GLRX3: variants seen among roughly 807,000 people sequenced by gnomAD.
The protein encoded by GLRX3 is glutaredoxin-3.
Under a neutral mutation model 49.5 loss-of-function variants are expected in GLRX3, and 22 were observed. The observed-to-expected ratio is 0.44, with a 90% confidence interval of 0.32 to 0.63. GLRX3 has a LOEUF of 0.63. GLRX3 is among the 30% of genes least tolerant of loss of function. GLRX3 has a pLI of 0.05. For missense variants in GLRX3, 385 were observed against 396.3 expected (o/e 0.97, Z 0.24); for synonymous variants, 133 against 140.0 (o/e 0.95, Z 0.35).
At chr10:130,137,757 CAG>C (rs1489001138) in intron 1 of GLRX3, among the ~76,000 whole-genome samples, 1 of 152,156 alleles carries the variant, frequency 6.6e-6, no homozygotes, top group East Asian at 1.9e-4. Context: ...GTTTTTGAGA[CAG>C]GGTCTGGCTC....
chr10:130,174,503 A>G (rs1356186611), intron 8 of GLRX3, among the ~76,000 whole-genome samples: 1 of 152,228 alleles, frequency 6.6e-6, no homozygotes, highest in Non-Finnish European at 1.5e-5. Context: ...TCATTTATAC[A>G]TTGTCTGTGG....
intron 1 of GLRX3, among the ~76,000 whole-genome samples, chr10:130,138,311 G>T (rs376306865): frequency 6.6e-6 from 1 of 151,972 alleles, no homozygotes; most frequent in African/African-American, 2.4e-5. Flanking sequence ...CGCCTGCCTC[G>T]GCCTTGTAAA....
intron 1 of GLRX3, 65 bp downstream of exon 1, chr10:130,136,577 G>A (rs1862055875): frequency 7.3e-6 from 9 of 1,241,278 alleles, no homozygotes; most frequent in Non-Finnish European, 9.1e-6. Flanking sequence ...GACCGGGCCG[G>A]TGTGGGGCGG....
intron 1 of GLRX3, among the ~76,000 whole-genome samples, chr10:130,142,047 C>T (rs1011644214): frequency 6.6e-6 from 1 of 152,172 alleles, no homozygotes; most frequent in African/African-American, 2.4e-5. Flanking sequence ...TGCCGTGGAC[C>T]TGAGGCCCCA....
At chr10:130,137,408 C>T (rs762365216) in intron 1 of GLRX3, among the ~76,000 whole-genome samples, 8 of 152,196 alleles carry the variant, frequency 5.3e-5, no homozygotes, top group Non-Finnish European at 8.8e-5. Context: ...TTGTAGACTA[C>T]TCCAAGGACT....
chr10:130,136,874 G>T (rs1476273842), intron 1 of GLRX3, among the ~76,000 whole-genome samples: 2 of 152,076 alleles, frequency 1.3e-5, no homozygotes, highest in African/African-American at 4.8e-5. Context: ...TGCCGCAGTG[G>T]CGGGGCGGGG....
chr10:130,154,024 T>C (rs1489950170), intron 2 of GLRX3, among the ~76,000 whole-genome samples: 1 of 152,194 alleles, frequency 6.6e-6, no homozygotes, highest in Non-Finnish European at 1.5e-5. Flanking sequence ...AATGGCCTAC[T>C]CAAGCCTCAG....
intron 8 of GLRX3, 21 bp downstream of exon 8, chr10:130,171,657 A>G (rs745805120): frequency 7.6e-7 from 1 of 1,308,592 alleles, no homozygotes; most frequent in Non-Finnish European, 1.1e-6. Context: ...GTTGTTTTCA[A>G]ATGGTGTATT....
intron 1 of GLRX3, among the ~76,000 whole-genome samples, chr10:130,139,862 C>G (rs1289902464): frequency 6.6e-6 from 1 of 152,006 alleles, no homozygotes; most frequent in Non-Finnish European, 1.5e-5. Context: ...CCAGGAGTTC[C>G]AAGCTGCGGT....
At chr10:130,138,227 G>A (rs1862103572) in intron 1 of GLRX3, among the ~76,000 whole-genome samples, 1 of 151,860 alleles carries the variant, frequency 6.6e-6, no homozygotes, top group South Asian at 2.1e-4. Flanking sequence ...GGGCTAATTT[G>A]TGTATTTTTC....
chr10:130,149,451 A>AC (rs1412166739), intron 2 of GLRX3, among the ~76,000 whole-genome samples: 3 of 152,050 alleles, frequency 2.0e-5, no homozygotes, highest in Non-Finnish European at 1.5e-5. Context: ...CAAAAAAAAA[A>AC]AACAAAACAG....
chr10:130,177,768 A>G (rs1862951375), intron 10 of GLRX3, among the ~76,000 whole-genome samples: 1 of 152,182 alleles, frequency 6.6e-6, no homozygotes, highest in Non-Finnish European at 1.5e-5. Context: ...CATGACTGAA[A>G]GCCGTCTGGG....
At chr10:130,162,844 G>T (rs941175929) in intron 4 of GLRX3, among the ~76,000 whole-genome samples, 2 of 152,080 alleles carry the variant, frequency 1.3e-5, no homozygotes, top group Admixed American at 6.5e-5. Context: ...GACAAGTCAG[G>T]TACCCTCCTT....
intron 1 of GLRX3, among the ~76,000 whole-genome samples, chr10:130,138,301 C>T (rs1245955661): frequency 6.6e-6 from 1 of 152,150 alleles, no homozygotes; most frequent in Non-Finnish European, 1.5e-5. Flanking sequence ...TCAAGTGATT[C>T]GCCTGCCTCG....
intron 2 of GLRX3, among the ~76,000 whole-genome samples, chr10:130,149,441 C>CAAA (rs57634103): frequency 7.5e-4 from 96 of 128,184 alleles, no homozygotes; most frequent in East Asian, 1.2e-3. Context: ...GACTCCGTCT[C>CAAA]AAAAAAAAAA....
At chr10:130,166,450 T>A in intron 4 of GLRX3, 57 bp from the exon 5 acceptor site, 2 of 1,228,236 alleles carry the variant, frequency 1.6e-6, no homozygotes, top group African/African-American at 3.0e-5. Flanking sequence ...TGTATTATCA[T>A]GTGTATGTGT....
rs554360100 is a variant in GLRX3, at chr10:130,141,710, G to A, written c.93-3501G>A. On this transcript the variant is annotated intron_variant, in intron 1 of 10. Transcript: ENST00000331244. Reference sequence around the variant, plus strand: ...ATGTCTATCACTTTCTCCTGTTGGCGGACATTTGGCTAATTTCCAGTTTTG... The same window carrying A: ...ATGTCTATCACTTTCTCCTGTTGGCAGACATTTGGCTAATTTCCAGTTTTG... Among the ~76,000 whole-genome samples, 36 of 152,236 alleles carry A rather than the reference G, an allele frequency of 2.4e-4. No individual in the cohort carries two copies. The South Asian group carries it at 5.6e-3, about 24-fold the overall frequency.
chr10:130,138,852 T>G (rs992856101), intron 1 of GLRX3, among the ~76,000 whole-genome samples: 3 of 146,064 alleles, frequency 2.1e-5, no homozygotes, highest in East Asian at 2.0e-4. Context: ...AAAGTGTTTT[T>G]TTTTTTTTTT....
intron 7 of GLRX3, among the ~76,000 whole-genome samples, 180 bp from the exon 8 acceptor site, chr10:130,171,404 G>C (rs1055120087): frequency 1.3e-5 from 2 of 152,114 alleles, no homozygotes; most frequent in African/African-American, 4.8e-5. Flanking sequence ...ACGTGTGCCT[G>C]GGTTGATGTG....
Sources: allele counts gnomAD v4.1 joint callset (sites outside exome capture counted in the v4.1 genomes callset), GRCh38; gene constraint gnomAD v4.1.1; transcripts MANE v1.5; gene names NCBI Gene and HGNC (gene_info 2026-07-23, HGNC 2026-07-21).